RTN4RL1: variants seen among roughly 807,000 people sequenced by gnomAD.
RTN4RL1 encodes reticulon 4 receptor like 1, also known as reticulon-4 receptor-like 1.
A neutral mutation model predicts 25.6 loss-of-function variants in RTN4RL1; 7 were observed. The observed-to-expected ratio is 0.27, with a 90% CI of 0.16 to 0.51. The LOEUF is 0.51. Ranked by LOEUF, RTN4RL1 falls within the 20% of genes least tolerant of loss-of-function variation. The pLI, the probability that RTN4RL1 is intolerant of heterozygous loss-of-function variation, is 0.97. For synonymous variants in RTN4RL1, 297 were observed against 288.2 expected (o/e 1.03, Z -0.31); for missense variants, 500 against 615.6 (o/e 0.81, Z 1.99).
intron 1 of RTN4RL1, among the ~76,000 whole-genome samples, chr17:1,953,140 G>C (rs1915720503): frequency 6.6e-6 from 1 of 151,716 alleles, no homozygotes; most frequent in Non-Finnish European, 1.5e-5. Context: ...AGACATGGTA[G>C]CTCATGCCTG....
intron 1 of RTN4RL1, among the ~76,000 whole-genome samples, chr17:2,006,218 C>A (rs1361642085): frequency 6.6e-6 from 1 of 150,542 alleles, no homozygotes; most frequent in African/African-American, 2.5e-5. Context: ...AGTGCAATGG[C>A]ACAATCTCGG....
chr17:1,971,980 T>A (rs111823708), intron 1 of RTN4RL1, among the ~76,000 whole-genome samples: 29,771 of 108,342 alleles, frequency 0.27, 5,420 homozygotes, highest in Non-Finnish European at 0.31. Flanking sequence ...AAAAAAAAAA[T>A]TTTAAACATT....
intron 1 of RTN4RL1, among the ~76,000 whole-genome samples, chr17:1,964,557 C>T (rs1049908641): frequency 5.3e-5 from 8 of 151,820 alleles, no homozygotes; most frequent in African/African-American, 1.9e-4. Context: ...ATGGTGAAAC[C>T]CCGTCTCTAC....
chr17:1,941,542 G>T (rs1915437655), intron 1 of RTN4RL1, among the ~76,000 whole-genome samples: 1 of 152,202 alleles, frequency 6.6e-6, no homozygotes, highest in Non-Finnish European at 1.5e-5. Context: ...ACAGGCACCA[G>T]TGTGGGCAGC....
At chr17:1,970,799 T>C (rs1418045539) in intron 1 of RTN4RL1, among the ~76,000 whole-genome samples, 1 of 152,140 alleles carries the variant, frequency 6.6e-6, no homozygotes. Context: ...TAAACACGGC[T>C]CTCTGCTGCC....
At chr17:1,970,008 GCTCT>G (rs59886441) in intron 1 of RTN4RL1, among the ~76,000 whole-genome samples, 14,877 of 123,636 alleles carry the variant, frequency 0.12, 1,049 homozygotes, top group African/African-American at 0.21. Flanking sequence ...CAGGATTTCT[GCTCT>G]CTCTCTCTTT....
At chr17:1,958,468 T>C (rs1055966828) in intron 1 of RTN4RL1, among the ~76,000 whole-genome samples, 2 of 152,164 alleles carry the variant, frequency 1.3e-5, no homozygotes, top group Non-Finnish European at 2.9e-5. Context: ...TGCTTCACAC[T>C]CATGAGGCCG....
intron 1 of RTN4RL1, among the ~76,000 whole-genome samples, chr17:1,978,226 G>A (rs986499351): frequency 2.6e-5 from 4 of 152,188 alleles, no homozygotes; most frequent in Non-Finnish European, 4.4e-5. Context: ...TCGCATCACC[G>A]GCCTTGAAAT....
intron 1 of RTN4RL1, among the ~76,000 whole-genome samples, chr17:2,014,768 G>T (rs564748495): frequency 6.2e-4 from 95 of 152,072 alleles, no homozygotes; most frequent in African/African-American, 2.1e-3. Context: ...GGAGACAGAG[G>T]TTGCAGTGAG....
At chr17:1,977,873 CGCATCCT>C (rs1312798478) in intron 1 of RTN4RL1, among the ~76,000 whole-genome samples, 1 of 151,848 alleles carries the variant, frequency 6.6e-6, no homozygotes, top group Admixed American at 6.6e-5. Context: ...GGGTCGGGGG[CGCATCCT>C]GCATCCTGCA....
chr17:2,004,796 G>A (rs1397707763), intron 1 of RTN4RL1, among the ~76,000 whole-genome samples: 1 of 152,158 alleles, frequency 6.6e-6, no homozygotes, highest in African/African-American at 2.4e-5. Flanking sequence ...GCCAGGGCTG[G>A]CATGTGTCTG....
intron 1 of RTN4RL1, among the ~76,000 whole-genome samples, chr17:1,953,325 G>C (rs1323511646): frequency 6.6e-6 from 1 of 151,976 alleles, no homozygotes; most frequent in Admixed American, 6.6e-5. Flanking sequence ...AAGATCACTT[G>C]AGCCCAAGAG....
At chr17:1,982,492 G>A (rs1178546597) in intron 1 of RTN4RL1, among the ~76,000 whole-genome samples, 3 of 151,760 alleles carry the variant, frequency 2.0e-5, no homozygotes, top group Non-Finnish European at 2.9e-5. Context: ...GCGGGCGCCT[G>A]TAGTCCCAGC....
At chr17:1,951,516 A>C (rs559663643) in intron 1 of RTN4RL1, among the ~76,000 whole-genome samples, 2 of 151,648 alleles carry the variant, frequency 1.3e-5, no homozygotes, top group East Asian at 4.0e-4. Flanking sequence ...CAGTGGTGCG[A>C]TCTCGGCTCA....
chr17:2,021,528 A>G (rs1298156957), intron 1 of RTN4RL1, among the ~76,000 whole-genome samples: 1 of 151,392 alleles, frequency 6.6e-6, no homozygotes, highest in African/African-American at 2.4e-5. Flanking sequence ...AAACAGCAAG[A>G]ACTATTTAAA....
intron 1 of RTN4RL1, among the ~76,000 whole-genome samples, chr17:1,962,384 G>A (rs1039089706): frequency 1.3e-4 from 20 of 151,846 alleles, no homozygotes; most frequent in African/African-American, 4.6e-4. Context: ...TTGAGATGGG[G>A]TCTCACTCTG....
At chr17:1,972,366 A>G (rs1277655588) in intron 1 of RTN4RL1, among the ~76,000 whole-genome samples, 2 of 151,738 alleles carry the variant, frequency 1.3e-5, no homozygotes, top group East Asian at 3.9e-4. Context: ...ACCCCTCTCT[A>G]AGTGCTCCTA....
chr17:2,012,721 T>TGAGTTG (rs1396476375), intron 1 of RTN4RL1, among the ~76,000 whole-genome samples: 2 of 152,180 alleles, frequency 1.3e-5, no homozygotes, highest in Non-Finnish European at 2.9e-5. Flanking sequence ...TCAACATTTA[T>TGAGTTG]TAGCCAATCA....
chr17:1,991,989 A>G (rs956104095), intron 1 of RTN4RL1, among the ~76,000 whole-genome samples: 50 of 151,880 alleles, frequency 3.3e-4, no homozygotes, highest in African/African-American at 1.2e-3. Flanking sequence ...CCCCACGCCC[A>G]CCCTCCTTCC....
Sources: allele counts gnomAD v4.1 joint callset (sites outside exome capture counted in the v4.1 genomes callset), GRCh38; gene constraint gnomAD v4.1.1; transcripts MANE v1.5; gene names NCBI Gene and HGNC (gene_info 2026-07-23, HGNC 2026-07-21).